The following KDM3B variants were observed in gnomAD, a reference collection of about 807,000 sequenced individuals.
KDM3B encodes lysine-specific demethylase 3B.
A neutral mutation model predicts 170.0 loss-of-function variants in KDM3B; 10 were observed. The ratio of observed to expected loss-of-function variants is 0.06; its 90% CI spans 0.04 to 0.10. The LOEUF is 0.10. Ranked by LOEUF, KDM3B falls within the 10% of genes least tolerant of loss-of-function variation. KDM3B has a pLI of 1.00. For missense variants in KDM3B, 1,394 were observed against 2,195.2 expected (o/e 0.64, Z 7.29); for synonymous variants, 831 against 834.8 (o/e 1.00, Z 0.08).
intron 1 of KDM3B, among the ~76,000 whole-genome samples, chr5:138,370,810 G>GTT (rs754679989): frequency 2.8e-5 from 4 of 142,792 alleles, no homozygotes; most frequent in Admixed American, 7.1e-5. Flanking sequence ...ATGTGAGTTT[G>GTT]TTTTTTTTTT....
rs571101734 is a variant in KDM3B at position 138,395,021 on chromosome 5, C to T, written c.2831+1649C>T. On this transcript the variant is annotated intron_variant, in intron 9 of 23. Coordinates refer to ENST00000314358, the MANE Select transcript of KDM3B (RefSeq NM_016604.4). ...TCTGGTTCTAGATATGTCTTTTGGCCTAAAAACAGGAAGAATGAGATTGCC... is the reference window on the plus strand; with the variant it reads ...TCTGGTTCTAGATATGTCTTTTGGCTTAAAAACAGGAAGAATGAGATTGCC... Among the ~76,000 whole-genome samples the T allele has an allele frequency of 4.9e-4, 74 of 152,116 alleles. 1 individual carries two copies. The highest frequency in any genetic ancestry group is 5.8e-4 in the East Asian group (3 of 5,186).
chr5:138,392,400 A>G, intron 8 of KDM3B, 139 bp downstream of exon 8: 1 of 898,308 alleles, frequency 1.1e-6, no homozygotes, highest in South Asian at 3.9e-5. Context: ...AGGACCTGGC[A>G]GAGGCCCCTC....
chr5:138,387,933 T>G (rs1341730814), intron 7 of KDM3B, among the ~76,000 whole-genome samples: 1 of 151,850 alleles, frequency 6.6e-6, no homozygotes, highest in East Asian at 1.9e-4. Context: ...TACAAAAAAT[T>G]AGCCGGGCGT....
chr5:138,353,811 A>G (rs1761389219), intron 1 of KDM3B, among the ~76,000 whole-genome samples: 1 of 152,140 alleles, frequency 6.6e-6, no homozygotes, highest in African/African-American at 2.4e-5. Context: ...CAGTCATACA[A>G]CTTAACTAGC....
intron 1 of KDM3B, among the ~76,000 whole-genome samples, chr5:138,364,575 G>A (rs1379130820): frequency 6.6e-6 from 1 of 150,900 alleles, no homozygotes. Context: ...TAAGATTCTT[G>A]ATATATAGCA....
At chr5:138,415,982 T>A (rs1390796915) in intron 12 of KDM3B, among the ~76,000 whole-genome samples, 51 of 152,118 alleles carry the variant, frequency 3.4e-4, no homozygotes, top group Non-Finnish European at 1.5e-5. Context: ...TCCCAGCACT[T>A]TGGGAGGCCA....
rs1414186907 is a variant in KDM3B at position 138,352,816 on chromosome 5, C to T, written c.21C>T (p.Ser7=). The T allele has an allele frequency of 7.5e-7, 1 of 1,325,830 alleles. No individual in the cohort carries two copies. The highest frequency in any genetic ancestry group is 9.7e-7 in the Non-Finnish European group (1 of 1,035,580). 82.1% of individuals were successfully genotyped at this position (1,325,830 alleles called of 1,614,324 possible). MADAAA[S]PVGKRLLLLF... ...CGGCGATGGCGGACGCGGCGGCCTC[C>T]CCGGTGGGCAAGCGGCTGCTGCTGC... is the stretch of plus-strand genomic sequence containing the variant. Residue 7 remains serine (S), a synonymous_variant, in exon 1 of 24, where the codon TCC becomes TCT. Coordinates refer to ENST00000314358, the MANE Select transcript of KDM3B (RefSeq NM_016604.4).
intron 5 of KDM3B, among the ~76,000 whole-genome samples, chr5:138,380,605 G>A (rs1240265838): frequency 6.6e-6 from 1 of 150,448 alleles, no homozygotes; most frequent in East Asian, 1.9e-4. Flanking sequence ...ATATGTCACA[G>A]TGAACATCCT....
chr5:138,375,328 C>T (rs1033356627), intron 3 of KDM3B, 122 bp downstream of exon 3: 75 of 418,352 alleles, frequency 1.8e-4, no homozygotes, highest in African/African-American at 1.5e-3. Flanking sequence ...TCTTTTATTA[C>T]TTCCTCCAAT....
At chr5:138,390,959 C>A (rs1762411182) in intron 7 of KDM3B, 54 bp from the exon 8 acceptor site, 2 of 1,474,086 alleles carry the variant, frequency 1.4e-6, no homozygotes, top group African/African-American at 2.8e-5. Context: ...AGAAAGAGAT[C>A]ATTAGATTGT....
At chr5:138,433,538 G>A (rs1232577459) in intron 23 of KDM3B, among the ~76,000 whole-genome samples, 1 of 149,160 alleles carries the variant, frequency 6.7e-6, no homozygotes, top group Middle Eastern at 3.6e-3. Context: ...CTCCCATGTA[G>A]CTGGGATTGC....
chr5:138,382,712 G>T (rs569501709), intron 6 of KDM3B, among the ~76,000 whole-genome samples: 1 of 151,964 alleles, frequency 6.6e-6, no homozygotes, highest in Admixed American at 6.6e-5. Context: ...ATCTTGCCCA[G>T]TCTGGTCTCA....
chr5:138,386,553 G>A lies in KDM3B; in HGVS notation c.1312G>A (p.Asp438Asn), dbSNP rs200210901. ...CACCCCAAACACAGTGAGGATCTCAGACACTGGCCTTGCAGCAGGGACTGT... is the reference window on the plus strand; with the variant it reads ...CACCCCAAACACAGTGAGGATCTCAAACACTGGCCTTGCAGCAGGGACTGT... ...SSTPNTVRIS[D>N]TGLAAGTVPE... Residue 438 changes from aspartate (D) to asparagine (N), a missense_variant, in exon 7 of 24, where the codon GAC becomes AAC. Transcript: ENST00000314358. 397 of 1,614,204 alleles carry A rather than the reference G, an allele frequency of 2.5e-4. 7 individuals carry two copies. In the East Asian group the frequency reaches 8.7e-3, roughly 35 times the overall value.
intron 2 of KDM3B, among the ~76,000 whole-genome samples, chr5:138,373,172 T>G (rs762481650): frequency 6.6e-4 from 100 of 152,168 alleles, no homozygotes; most frequent in Non-Finnish European, 9.9e-4. Flanking sequence ...AAACCCCATC[T>G]CTACAAAAAA....
chr5:138,434,086 C>T (rs1017898517), intron 23 of KDM3B, among the ~76,000 whole-genome samples: 2 of 152,138 alleles, frequency 1.3e-5, no homozygotes, highest in African/African-American at 2.4e-5. Flanking sequence ...AACATGTCAC[C>T]TTATCCATAA....
intron 20 of KDM3B, among the ~76,000 whole-genome samples, chr5:138,428,940 CTTTT>C (rs397884825): frequency 4.0e-5 from 4 of 101,230 alleles, no homozygotes; most frequent in South Asian, 3.6e-4. Context: ...GGGATAATTT[CTTTT>C]TTTTTTTTTT....
chr5:138,425,692 GA>G, intron 17 of KDM3B, 110 bp downstream of exon 17: 1 of 989,820 alleles, frequency 1.0e-6, no homozygotes. Flanking sequence ...AATGGGACTT[GA>G]AAAAATAAAT....
intron 2 of KDM3B, 129 bp downstream of exon 2, chr5:138,372,970 C>T: frequency 1.3e-6 from 1 of 757,012 alleles, no homozygotes; most frequent in Non-Finnish European, 1.9e-6. Flanking sequence ...TCTGAAGTTA[C>T]TAATGCAAAA....
rs1194482495 is a variant in KDM3B at position 138,398,402 on chromosome 5, CT to C, written c.3046+12del. On this transcript the variant is annotated intron_variant, in intron 10 of 23. Transcript: ENST00000314358. ...ATGGTGGAGCCACACCGTAAGTCAC[CT>C]TCTCACTTGTCTTCCAGGTGCTCCT... is the stretch of plus-strand genomic sequence containing the variant. The C allele has an allele frequency of 2.5e-6, 4 of 1,611,600 alleles. No individual in the cohort carries two copies. In the Admixed American group the frequency reaches 6.7e-5, roughly 27 times the overall value.
Sources: allele counts gnomAD v4.1 joint callset (sites outside exome capture counted in the v4.1 genomes callset), GRCh38; gene constraint gnomAD v4.1.1; transcripts MANE v1.5; gene names NCBI Gene and HGNC (gene_info 2026-07-23, HGNC 2026-07-21).